The following SMARCC1 variants were observed in gnomAD, a reference collection of about 807,000 sequenced individuals.
SMARCC1 encodes SWI/SNF related BAF chromatin remodeling complex subunit C1.
SMARCC1 carries 43 observed loss-of-function variants against 147.4 expected under a neutral mutation model. The observed-to-expected ratio is 0.29, with a 90% confidence interval of 0.23 to 0.38. The LOEUF is 0.38. Ranked by LOEUF, SMARCC1 falls within the 10% of genes least tolerant of loss-of-function variation. The pLI, the probability that SMARCC1 is intolerant of heterozygous loss-of-function variation, is 1.00. For missense variants in SMARCC1, 1,119 were observed against 1,381.1 expected (o/e 0.81, Z 3.01); for synonymous variants, 495 against 484.4 (o/e 1.02, Z -0.29).
rs2034074205 is a variant in SMARCC1 at position 47,710,680 on chromosome 3, T to C, written c.918+3A>G. The C allele has an allele frequency of 1.9e-6, 3 of 1,612,584 alleles. No homozygotes were observed. Among genetic ancestry groups the C allele is most frequent in the Admixed American group, 1.7e-5 (1 of 59,682 alleles). Reference sequence around the variant, plus strand: ...TGATGAGAAACTGTGCCAAAGAAAATACCTCTTCATTCTTGGTTGAAATCC... The same window carrying C: ...TGATGAGAAACTGTGCCAAAGAAAACACCTCTTCATTCTTGGTTGAAATCC... On this transcript the variant is annotated splice_donor_region_variant and intron_variant, in intron 9 of 27. Transcript: ENST00000254480.
chr3:47,669,180 C>A (rs1285634890), intron 19 of SMARCC1, among the ~76,000 whole-genome samples: 2 of 152,120 alleles, frequency 1.3e-5, no homozygotes, highest in East Asian at 3.8e-4. Flanking sequence ...ACAGATTCCA[C>A]CTGAAGGAGA....
chr3:47,684,440 ATTTT>A (rs765703558), intron 14 of SMARCC1, among the ~76,000 whole-genome samples: 1 of 141,758 alleles, frequency 7.1e-6, no homozygotes. Flanking sequence ...TTGGGTAGTA[ATTTT>A]TTTTTTTTTT....
chr3:47,640,704 G>C (rs1298874552), intron 21 of SMARCC1, among the ~76,000 whole-genome samples: 2 of 152,060 alleles, frequency 1.3e-5, no homozygotes, highest in Non-Finnish European at 2.9e-5. Flanking sequence ...AATAGAAAAA[G>C]AGGGAATTCC....
chr3:47,697,504 G>T (rs941929276), intron 11 of SMARCC1, among the ~76,000 whole-genome samples: 2 of 151,012 alleles, frequency 1.3e-5, no homozygotes, highest in Admixed American at 6.6e-5. Flanking sequence ...GTTTCAACTT[G>T]TTGGCCAGGC....
At chr3:47,692,778 T>C (rs1399345717) in intron 12 of SMARCC1, among the ~76,000 whole-genome samples, 1 of 152,060 alleles carries the variant, frequency 6.6e-6, no homozygotes, top group Non-Finnish European at 1.5e-5. Context: ...ATCCCAGCAC[T>C]TTGGGAGGCC....
At chr3:47,629,218 A>C (rs1351572127) in intron 24 of SMARCC1, among the ~76,000 whole-genome samples, 1 of 152,196 alleles carries the variant, frequency 6.6e-6, no homozygotes, top group African/African-American at 2.4e-5. Flanking sequence ...CTAGTCCAGA[A>C]AATCTTCAAA....
chr3:47,610,811 A>G (rs2032553985), intron 25 of SMARCC1: 1 of 165,610 alleles, frequency 6.0e-6, no homozygotes, highest in Non-Finnish European at 1.3e-5. Context: ...CTATTTTAGA[A>G]CATAACACCA....
chr3:47,732,800 T>C (rs1199697952), intron 5 of SMARCC1, among the ~76,000 whole-genome samples: 1 of 152,092 alleles, frequency 6.6e-6, no homozygotes, highest in African/African-American at 2.4e-5. Context: ...CAGATCACTA[T>C]AACATGTATA....
At chr3:47,763,908 C>T (rs1054429966) in intron 2 of SMARCC1, among the ~76,000 whole-genome samples, 6 of 151,112 alleles carry the variant, frequency 4.0e-5, no homozygotes, top group Non-Finnish European at 7.4e-5. Context: ...TTTTTGTAGA[C>T]GGCTCTCACC....
At chr3:47,754,229 A>C (rs2034661827) in intron 2 of SMARCC1, among the ~76,000 whole-genome samples, 1 of 148,488 alleles carries the variant, frequency 6.7e-6, no homozygotes, top group Non-Finnish European at 1.5e-5. Flanking sequence ...TTTGAGACTG[A>C]GTCTCGCTCT....
At chr3:47,612,355 A>C (rs1247419409) in intron 25 of SMARCC1, among the ~76,000 whole-genome samples, 2 of 152,162 alleles carry the variant, frequency 1.3e-5, no homozygotes, top group African/African-American at 4.8e-5. Flanking sequence ...GTTTTTGTTG[A>C]GTGACTACTG....
intron 19 of SMARCC1, chr3:47,663,554 T>C: frequency 8.4e-7 from 1 of 1,193,534 alleles, no homozygotes; most frequent in Non-Finnish European, 1.2e-6. Flanking sequence ...AAGGCCAGCC[T>C]GACAAACACA....
intron 2 of SMARCC1, among the ~76,000 whole-genome samples, chr3:47,760,319 A>G (rs150717493): frequency 6.6e-6 from 1 of 152,002 alleles, no homozygotes; most frequent in Non-Finnish European, 1.5e-5. Flanking sequence ...CAAAAAAATT[A>G]AAAAAAAGAA....
At chr3:47,726,670 C>T (rs2034303783) in intron 6 of SMARCC1, among the ~76,000 whole-genome samples, 1 of 152,178 alleles carries the variant, frequency 6.6e-6, no homozygotes, top group Admixed American at 6.5e-5. Context: ...AATTCTAGCA[C>T]ATGCTGTAAC....
intron 25 of SMARCC1, among the ~76,000 whole-genome samples, chr3:47,621,298 CAAAAAAAA>C (rs1183934374): frequency 2.7e-4 from 17 of 63,228 alleles, no homozygotes; most frequent in Admixed American, 1.2e-3. Context: ...GACTCCGTCT[CAAAAAAAA>C]AAAAAAAAAA....
At position 47,737,931 on chromosome 3, in the gene SMARCC1, G is replaced by T. The variant is rs1352348369; in HGVS notation, c.483+98C>A. The T allele has an allele frequency of 8.5e-6, 6 of 701,824 alleles. No individual in the cohort carries two copies. In the Admixed American group the frequency reaches 1.6e-4, roughly 19 times the overall value. The allele number at this position is 701,824 out of a possible 1,614,324, so 43.5% of individuals were successfully genotyped here. A position where few individuals can be genotyped will look rare whatever the true frequency, so the allele number is the denominator to read the frequency against. ...CCTTGCCTCGGCCTCCCAAAGTGCT[G>T]GGATTACAGGCATGAGCCACCGCGC... On this transcript the variant is annotated intron_variant, in intron 4 of 27. Coordinates refer to ENST00000254480, the MANE Select transcript of SMARCC1 (RefSeq NM_003074.4).
chr3:47,770,276 C>T (rs1325757862), intron 2 of SMARCC1, among the ~76,000 whole-genome samples: 1 of 151,558 alleles, frequency 6.6e-6, no homozygotes, highest in African/African-American at 2.4e-5. Flanking sequence ...ACCAGTAATC[C>T]CAGGACTTTG....
chr3:47,726,061 CAAAAA>C (rs546659321), intron 6 of SMARCC1, among the ~76,000 whole-genome samples: 9 of 50,778 alleles, frequency 1.8e-4, no homozygotes, highest in Non-Finnish European at 2.1e-4. Context: ...GACTCTGTCT[CAAAAA>C]AAAAAAAAAA....
At position 47,720,668 on chromosome 3, in the gene SMARCC1, G is replaced by A; in HGVS notation, c.714C>T (p.Asp238=). 6.3e-7 allele frequency: 1 copy of A among 1,599,222 alleles called. No individual in the cohort carries two copies. Among genetic ancestry groups the A allele is most frequent in the African/African-American group, 1.3e-5 (1 of 74,748 alleles). ...GTCTCACAGCATATGAACATTACCT[G>A]TCTGGGTAAAAGCCCCAATGCACTA... ...QVLVHWGFYP[D]SYDTWVHSND... The change falls in exon 7 of 28, where the codon GAC becomes GAT. Residue 238 remains aspartate, a splice_region_variant and synonymous_variant. Transcript: ENST00000254480.
Sources: gnomAD v4.1 joint callset for allele counts (sites outside exome capture counted in the v4.1 genomes callset) on GRCh38, gnomAD v4.1.1 for gene constraint, MANE v1.5 for transcripts, NCBI Gene and HGNC (gene_info 2026-07-23, HGNC 2026-07-21) for gene names.